The following EHMT1 variants were observed in gnomAD, a reference collection of about 807,000 sequenced individuals.
EHMT1 encodes the protein euchromatic histone lysine methyltransferase 1.
In EHMT1, 15 loss-of-function variants were observed where a neutral mutation model predicts 147.2. That is an observed-to-expected ratio of 0.10 (90% CI 0.07 to 0.16). The LOEUF is 0.16. EHMT1 is among the 10% of genes least tolerant of loss of function. EHMT1 has a pLI of 1.00. For missense variants in EHMT1, 1,587 were observed against 1,772.4 expected (o/e 0.90, Z 1.88); for synonymous variants, 795 against 709.6 (o/e 1.12, Z -1.91).
chr9:137,721,175 A>G (rs376339407), intron 3 of EHMT1, among the ~76,000 whole-genome samples: 54 of 49,006 alleles, frequency 1.1e-3, no homozygotes, highest in African/African-American at 2.9e-3. Flanking sequence ...TCTCACACTC[A>G]CCCCCTCCCA....
intron 10 of EHMT1, among the ~76,000 whole-genome samples, chr9:137,772,595 G>T (rs537111563): frequency 6.6e-6 from 1 of 152,216 alleles, no homozygotes; most frequent in South Asian, 2.1e-4. Context: ...CTGCCGGTGC[G>T]GACCCACCTT....
chr9:137,680,433 A>G (rs1291890801), intron 1 of EHMT1, among the ~76,000 whole-genome samples: 1 of 152,222 alleles, frequency 6.6e-6, no homozygotes, highest in Non-Finnish European at 1.5e-5. Context: ...AAATTGTGCC[A>G]CTGCACTCCA....
chr9:137,724,844 G>A (rs1484033349), intron 3 of EHMT1, among the ~76,000 whole-genome samples: 3 of 151,522 alleles, frequency 2.0e-5, no homozygotes, highest in Non-Finnish European at 2.9e-5. Flanking sequence ...TGTGGCATTC[G>A]TGTGGCAGAC....
At position 137,801,044 on chromosome 9, in the gene EHMT1, C is replaced by A. The variant is rs529888479; in HGVS notation, c.2712+60C>A. On this transcript the variant is annotated intron_variant, in intron 18 of 26. Transcript: ENST00000460843. ...CTGGAGGGGTGGGGACCTCCTCCCCCAGAAGGTTCTTTTCTCAAAAGCAGA... is the reference window on the plus strand; with the variant it reads ...CTGGAGGGGTGGGGACCTCCTCCCCAAGAAGGTTCTTTTCTCAAAAGCAGA... 290 of 1,482,340 alleles carry A rather than the reference C, an allele frequency of 2.0e-4. 2 individuals carry two copies. The Middle Eastern group carries it at 2.4e-3, about 12-fold the overall frequency. The allele number at this position is 1,482,340 out of a possible 1,614,324, so 91.8% of individuals were successfully genotyped here. A position where few individuals can be genotyped will look rare whatever the true frequency, so the allele number is the denominator to read the frequency against.
chr9:137,641,387 G>A (rs1844471966), intron 1 of EHMT1: 1 of 524,644 alleles, frequency 1.9e-6, no homozygotes, highest in Non-Finnish European at 3.8e-6. Flanking sequence ...AACCTATTCT[G>A]TAACCTGATT....
At chr9:137,768,766 G>A (rs939111027) in intron 10 of EHMT1, among the ~76,000 whole-genome samples, 2 of 151,458 alleles carry the variant, frequency 1.3e-5, no homozygotes, top group African/African-American at 4.8e-5. Flanking sequence ...TAGCCGGGAT[G>A]GTCTCGATCT....
intron 10 of EHMT1, among the ~76,000 whole-genome samples, chr9:137,767,934 C>G (rs185573280): frequency 1.3e-5 from 2 of 152,232 alleles, no homozygotes; most frequent in Admixed American, 6.5e-5. Context: ...GGGTGTTCAA[C>G]CTGTTTTGTA....
chr9:137,718,399 G>C (rs905648272), intron 3 of EHMT1, among the ~76,000 whole-genome samples: 5 of 152,218 alleles, frequency 3.3e-5, no homozygotes, highest in African/African-American at 1.2e-4. Context: ...TTCTCTCTCT[G>C]ACATTGCTGG....
intron 1 of EHMT1, chr9:137,697,204 C>G: frequency 3.1e-6 from 1 of 324,674 alleles, no homozygotes. Context: ...TCATGTGAAC[C>G]TGGGAGGCAG....
chr9:137,816,393 G>A (rs1954921429), intron 23 of EHMT1: 1 of 387,812 alleles, frequency 2.6e-6, no homozygotes, highest in African/African-American at 2.1e-5. Flanking sequence ...GGTTAGGGCT[G>A]TCGTAGTTCT....
intron 3 of EHMT1, among the ~76,000 whole-genome samples, chr9:137,726,554 C>T (rs1588401422): frequency 8.0e-6 from 1 of 124,728 alleles, no homozygotes; most frequent in Non-Finnish European, 1.5e-5. Context: ...CCCCTTTTGG[C>T]TGCTGTGGTT....
intron 2 of EHMT1, among the ~76,000 whole-genome samples, chr9:137,713,063 C>T (rs1314243152): frequency 6.6e-6 from 1 of 151,854 alleles, no homozygotes; most frequent in Non-Finnish European, 1.5e-5. Flanking sequence ...GTTCTTGCAC[C>T]CTCGTTGAAA....
chr9:137,728,165 G>A (rs1274028127), intron 3 of EHMT1, among the ~76,000 whole-genome samples, 184 bp from the exon 4 acceptor site: 1 of 152,120 alleles, frequency 6.6e-6, no homozygotes, highest in African/African-American at 2.4e-5. Context: ...CCATCTGAGG[G>A]GCAACTAGGC....
At position 137,757,899 on chromosome 9, in the gene EHMT1, A is replaced by C. The variant is rs1949503580; in HGVS notation, c.1389A>C (p.Ser463=). 1 of 1,613,936 alleles carries C rather than the reference A, an allele frequency of 6.2e-7. No homozygotes were observed. Among genetic ancestry groups the C allele is most frequent in the Non-Finnish European group, 8.5e-7 (1 of 1,180,022 alleles). Residue 463 remains serine (S), a synonymous_variant, in exon 9 of 27, where the codon TCA becomes TCC. Coordinates refer to ENST00000460843, the MANE Select transcript of EHMT1 (RefSeq NM_024757.5). ...SGALGSESYK[S]SAGSAEQTAP... Reference sequence around the variant, plus strand: ...ACCTAGGTTCTGAGTCGTATAAGTCATCTGCAGGAAGCGCTGAGCAGACGG... The same window carrying C: ...ACCTAGGTTCTGAGTCGTATAAGTCCTCTGCAGGAAGCGCTGAGCAGACGG...
intron 25 of EHMT1, among the ~76,000 whole-genome samples, chr9:137,833,332 G>A (rs1956353140): frequency 1.3e-5 from 2 of 152,206 alleles, no homozygotes; most frequent in African/African-American, 4.8e-5. Context: ...AACAAACCAC[G>A]CCACCCACCC....
At chr9:137,747,642 T>C (rs765309705) in intron 6 of EHMT1, 14 of 152,200 alleles carry the variant, frequency 9.2e-5, no homozygotes, top group Non-Finnish European at 1.6e-4. Context: ...AAAAAGGCAT[T>C]TTATAAAGTT....
At chr9:137,785,707 T>C (rs1588698703) in intron 15 of EHMT1, 3 of 152,370 alleles carry the variant, frequency 2.0e-5, no homozygotes, top group South Asian at 2.1e-4. Flanking sequence ...GGTTGCATCA[T>C]GCATACAGAA....
chr9:137,741,833 A>G (rs1006180737), intron 4 of EHMT1, among the ~76,000 whole-genome samples: 1 of 152,172 alleles, frequency 6.6e-6, no homozygotes, highest in Non-Finnish European at 1.5e-5. Flanking sequence ...TGTGATTAAA[A>G]TCCATGTTCA....
At chr9:137,735,488 C>T (rs9410127) in intron 4 of EHMT1, among the ~76,000 whole-genome samples, 18,151 of 152,014 alleles carry the variant, frequency 0.12, 2,330 homozygotes, top group African/African-American at 0.32. Context: ...AAATGAGGGA[C>T]GAAAAAAGCT....
Sources: gnomAD v4.1 joint callset for allele counts (sites outside exome capture counted in the v4.1 genomes callset) on GRCh38, gnomAD v4.1.1 for gene constraint, MANE v1.5 for transcripts, NCBI Gene and HGNC (gene_info 2026-07-23, HGNC 2026-07-21) for gene names.